The following GRID1 variants were observed in gnomAD, a reference collection of about 807,000 sequenced individuals.
The protein encoded by GRID1 is glutamate receptor ionotropic, delta-1.
Under a neutral mutation model 98.0 loss-of-function variants are expected in GRID1, and 28 were observed. The observed-to-expected ratio is 0.29, with a 90% confidence interval of 0.21 to 0.39. GRID1 has a LOEUF of 0.39. Ranked by LOEUF, GRID1 falls within the 10% of genes least tolerant of loss-of-function variation. GRID1 has a pLI of 1.00. For synonymous variants in GRID1, 553 were observed against 538.5 expected, an observed-to-expected ratio of 1.03 and a Z score of -0.37; for missense variants, 1,111 against 1,340.5, an observed-to-expected ratio of 0.83 and a Z score of 2.67.
At chr10:85,966,897 C>G (rs1842344224) in intron 4 of GRID1, among the ~76,000 whole-genome samples, 1 of 152,096 alleles carries the variant, frequency 6.6e-6, no homozygotes, top group Non-Finnish European at 1.5e-5. Context: ...TAAATGGATA[C>G]TGACATGGTT....
chr10:86,244,009 C>T (rs544081699), intron 2 of GRID1, among the ~76,000 whole-genome samples: 1 of 152,320 alleles, frequency 6.6e-6, no homozygotes, highest in African/African-American at 2.4e-5. Context: ...CACATATATA[C>T]ATACATGTAT....
intron 12 of GRID1, among the ~76,000 whole-genome samples, chr10:85,670,122 G>T (rs762146053): frequency 1.9e-4 from 29 of 152,180 alleles, no homozygotes; most frequent in Non-Finnish European, 3.2e-4. Flanking sequence ...TCTGGGAAAT[G>T]CTGGACACGA....
At chr10:86,275,136 G>A (rs1847248862) in intron 2 of GRID1, among the ~76,000 whole-genome samples, 1 of 152,090 alleles carries the variant, frequency 6.6e-6, no homozygotes, top group Non-Finnish European at 1.5e-5. Flanking sequence ...TTTAGCTCAT[G>A]GCATTCAAGG....
At chr10:86,354,515 G>T (rs996260210) in intron 2 of GRID1, among the ~76,000 whole-genome samples, 1 of 152,224 alleles carries the variant, frequency 6.6e-6, no homozygotes, top group African/African-American at 2.4e-5. Flanking sequence ...CCTCCCTCCT[G>T]CTGGCCATAC....
chr10:86,001,482 A>G (rs1214651074), intron 4 of GRID1, among the ~76,000 whole-genome samples: 1 of 152,170 alleles, frequency 6.6e-6, no homozygotes, highest in Non-Finnish European at 1.5e-5. Context: ...CCTCCTTCTG[A>G]GCCTGGAGCA....
chr10:85,674,050 G>C (rs755840441), intron 12 of GRID1, among the ~76,000 whole-genome samples: 4 of 151,986 alleles, frequency 2.6e-5, no homozygotes, highest in Non-Finnish European at 5.9e-5. Context: ...GAGTTTGCTG[G>C]TCTTTCACTT....
chr10:86,061,838 T>A (rs1379698710), intron 4 of GRID1, among the ~76,000 whole-genome samples: 2 of 152,182 alleles, frequency 1.3e-5, no homozygotes, highest in East Asian at 3.8e-4. Flanking sequence ...TTGTTGTTGT[T>A]CTGTTTGGTT....
At chr10:85,774,305 A>C (rs575017242) in intron 8 of GRID1, among the ~76,000 whole-genome samples, 5,020 of 152,300 alleles carry the variant, frequency 0.033, 124 homozygotes, top group Middle Eastern at 0.048. Context: ...CCTTCCTTAC[A>C]CCTTATACAA....
chr10:85,935,873 C>T (rs1045168358), intron 4 of GRID1, among the ~76,000 whole-genome samples: 2 of 152,216 alleles, frequency 1.3e-5, no homozygotes, highest in African/African-American at 4.8e-5. Flanking sequence ...AAAACCAAGA[C>T]TCTAAACTCT....
chr10:85,614,363 T>G (rs1363718491), intron 14 of GRID1, among the ~76,000 whole-genome samples: 3 of 152,216 alleles, frequency 2.0e-5, no homozygotes, highest in African/African-American at 7.2e-5. Flanking sequence ...GGATGACTAA[T>G]TATAAAACAG....
At chr10:86,020,734 A>G (rs1843037486) in intron 4 of GRID1, among the ~76,000 whole-genome samples, 1 of 152,200 alleles carries the variant, frequency 6.6e-6, no homozygotes, top group South Asian at 2.1e-4. Flanking sequence ...TCCAAAGCCC[A>G]CAGGACAGGC....
intron 4 of GRID1, among the ~76,000 whole-genome samples, chr10:86,123,458 G>A (rs548422021): frequency 1.1e-4 from 16 of 152,282 alleles, no homozygotes; most frequent in African/African-American, 3.4e-4. Flanking sequence ...AGACAAAGGT[G>A]GAACACATGC....
chr10:86,159,088 G>A (rs1284396120), intron 3 of GRID1, among the ~76,000 whole-genome samples: 3 of 152,036 alleles, frequency 2.0e-5, no homozygotes, highest in Non-Finnish European at 4.4e-5. Flanking sequence ...TAGAGACGGG[G>A]TTTCACCGTG....
chr10:85,739,801 T>A (rs947693219), intron 8 of GRID1, among the ~76,000 whole-genome samples: 1 of 152,154 alleles, frequency 6.6e-6, no homozygotes, highest in African/African-American at 2.4e-5. Flanking sequence ...AAAAATAGAT[T>A]ACATAACATT....
intron 4 of GRID1, among the ~76,000 whole-genome samples, chr10:86,074,438 G>A (rs77037234): frequency 1.4e-4 from 21 of 152,134 alleles, no homozygotes; most frequent in Non-Finnish European, 2.4e-4. Flanking sequence ...TTTTGTGCCC[G>A]TCTTATTTCA....
intron 2 of GRID1, among the ~76,000 whole-genome samples, chr10:86,212,035 G>A (rs972340301): frequency 6.6e-6 from 1 of 152,152 alleles, no homozygotes; most frequent in African/African-American, 2.4e-5. Context: ...AGGTGAGAAA[G>A]GTGCCCTCAG....
intron 2 of GRID1, among the ~76,000 whole-genome samples, chr10:86,305,722 C>T (rs1433944407): frequency 2.0e-5 from 3 of 152,220 alleles, no homozygotes; most frequent in Admixed American, 6.5e-5. Context: ...GGGGCCAGAA[C>T]AGATGGCTCC....
At chr10:86,034,109 G>C (rs1175243936) in intron 4 of GRID1, among the ~76,000 whole-genome samples, 1 of 152,166 alleles carries the variant, frequency 6.6e-6, no homozygotes, top group African/African-American at 2.4e-5. Context: ...CTCCCGCTAT[G>C]TTGTTAATAT....
chr10:86,295,667 CT>C (rs899639708), intron 2 of GRID1, among the ~76,000 whole-genome samples: 1 of 151,666 alleles, frequency 6.6e-6, no homozygotes, highest in Non-Finnish European at 1.5e-5. Flanking sequence ...CGTGGGTGTT[CT>C]TTTTTTTTCC....
Sources: allele counts gnomAD v4.1 joint callset (sites outside exome capture counted in the v4.1 genomes callset), GRCh38; gene constraint gnomAD v4.1.1; transcripts MANE v1.5; gene names NCBI Gene and HGNC (gene_info 2026-07-23, HGNC 2026-07-21).